LRRC4C: variants seen among roughly 807,000 people sequenced by gnomAD.
LRRC4C encodes leucine rich repeat containing 4C.
A neutral mutation model predicts 33.6 loss-of-function variants in LRRC4C; 5 were observed. The ratio of observed to expected loss-of-function variants is 0.15; its 90% CI spans 0.08 to 0.31. The LOEUF is 0.31. Ranked by LOEUF, LRRC4C falls within the 10% of genes least tolerant of loss-of-function variation. The probability of loss-of-function intolerance (pLI) is 1.00; values close to 1 mark genes in which losing one functional copy is unlikely to be tolerated. For synonymous variants in LRRC4C, 329 were observed against 302.0 expected (o/e 1.09, Z -0.93); for missense variants, 560 against 796.7 (o/e 0.70, Z 3.58).
chr11:40,336,457 T>C (rs920984305), intron 3 of LRRC4C, among the ~76,000 whole-genome samples: 3 of 152,170 alleles, frequency 2.0e-5, no homozygotes, highest in Non-Finnish European at 4.4e-5. Context: ...GAAGTCAGTC[T>C]TTATTCCTGA....
chr11:40,342,873 C>T (rs908165489), intron 3 of LRRC4C, among the ~76,000 whole-genome samples: 1 of 152,132 alleles, frequency 6.6e-6, no homozygotes, highest in African/African-American at 2.4e-5. Flanking sequence ...TACCTACCTA[C>T]CTATATATTT....
chr11:41,183,351 T>C (rs1354996242), intron 1 of LRRC4C, among the ~76,000 whole-genome samples: 1 of 152,154 alleles, frequency 6.6e-6, no homozygotes, highest in Admixed American at 6.5e-5. Context: ...GCAAGTACAT[T>C]GTATGTACTT....
intron 1 of LRRC4C, among the ~76,000 whole-genome samples, chr11:41,004,071 A>G (rs533321141): frequency 6.6e-6 from 1 of 152,268 alleles, no homozygotes; most frequent in Non-Finnish European, 1.5e-5. Flanking sequence ...TATGGTTACA[A>G]AGAGGCATGA....
At chr11:40,423,339 C>CTTTTTTTTTTT (rs35819704) in intron 3 of LRRC4C, among the ~76,000 whole-genome samples, 2 of 90,932 alleles carry the variant, frequency 2.2e-5, no homozygotes, top group Non-Finnish European at 4.1e-5. Flanking sequence ...TGTTCATGTT[C>CTTTTTTTTTTT]TTTTTTTTTT....
At chr11:40,787,063 T>C (rs1950439541) in intron 2 of LRRC4C, among the ~76,000 whole-genome samples, 1 of 152,064 alleles carries the variant, frequency 6.6e-6, no homozygotes, top group Admixed American at 6.6e-5. Context: ...GCCAAATAAG[T>C]TTTACCAGGA....
At chr11:40,387,737 C>T (rs1949166365) in intron 3 of LRRC4C, among the ~76,000 whole-genome samples, 1 of 152,128 alleles carries the variant, frequency 6.6e-6, no homozygotes, top group Admixed American at 6.5e-5. Context: ...CAGTAGTAGT[C>T]CAGGTTAATG....
At chr11:40,180,841 T>C (rs536234397) in intron 5 of LRRC4C, among the ~76,000 whole-genome samples, 2 of 152,306 alleles carry the variant, frequency 1.3e-5, no homozygotes, top group East Asian at 1.9e-4. Context: ...ATATGCTATA[T>C]TTTTTGTTTT....
intron 3 of LRRC4C, among the ~76,000 whole-genome samples, chr11:40,541,804 A>C (rs1407099272): frequency 1.3e-5 from 2 of 152,122 alleles, no homozygotes; most frequent in African/African-American, 4.8e-5. Context: ...CTGCTTAGTA[A>C]ATGTTGGTTA....
chr11:40,537,620 G>A (rs561158399), intron 3 of LRRC4C, among the ~76,000 whole-genome samples: 4 of 152,162 alleles, frequency 2.6e-5, no homozygotes, highest in Non-Finnish European at 5.9e-5. Context: ...AAGGAAGTTT[G>A]GCCCCTACCC....
intron 2 of LRRC4C, among the ~76,000 whole-genome samples, chr11:40,895,579 TTAAAAGG>T (rs1205201594): frequency 6.6e-6 from 1 of 152,162 alleles, no homozygotes; most frequent in Admixed American, 6.6e-5. Flanking sequence ...GTCTTCTGTT[TTAAAAGG>T]TATTTAGAAA....
At chr11:41,327,871 T>A (rs149513051) in intron 1 of LRRC4C, among the ~76,000 whole-genome samples, 186 of 152,284 alleles carry the variant, frequency 1.2e-3, no homozygotes, top group East Asian at 9.1e-3. Context: ...CCACCATGAT[T>A]GTGAGGGCTC....
intron 3 of LRRC4C, among the ~76,000 whole-genome samples, chr11:40,386,066 A>G (rs1949099688): frequency 7.7e-6 from 1 of 129,548 alleles, no homozygotes; most frequent in Non-Finnish European, 1.7e-5. Context: ...ATAAAATAAA[A>G]TGAAATATAA....
intron 3 of LRRC4C, among the ~76,000 whole-genome samples, chr11:40,347,431 TC>T: frequency 6.6e-6 from 1 of 152,160 alleles, no homozygotes; most frequent in Non-Finnish European, 1.5e-5. Context: ...TGTTTTGCTT[TC>T]CTATCATTCA....
At chr11:41,063,130 A>C (rs1937920090) in intron 1 of LRRC4C, among the ~76,000 whole-genome samples, 1 of 152,174 alleles carries the variant, frequency 6.6e-6, no homozygotes, top group African/African-American at 2.4e-5. Context: ...GAAGTGAATA[A>C]ATTTTTGGCA....
intron 1 of LRRC4C, among the ~76,000 whole-genome samples, chr11:41,371,483 G>A (rs1290917922): frequency 6.6e-6 from 1 of 152,138 alleles, no homozygotes; most frequent in East Asian, 1.9e-4. Flanking sequence ...GGTTTAATAT[G>A]TGGAAATCCT....
chr11:40,659,627 A>G (rs1041075637), intron 2 of LRRC4C, among the ~76,000 whole-genome samples: 1 of 152,150 alleles, frequency 6.6e-6, no homozygotes, highest in Non-Finnish European at 1.5e-5. Flanking sequence ...AACTTAGGGT[A>G]TCTTTGACTT....
intron 1 of LRRC4C, among the ~76,000 whole-genome samples, chr11:41,335,647 T>C (rs1399117549): frequency 1.3e-5 from 2 of 152,192 alleles, no homozygotes; most frequent in African/African-American, 4.8e-5. Context: ...TTTCTCACGT[T>C]ATGTCCAGCA....
At chr11:41,354,880 T>C (rs1952104839) in intron 1 of LRRC4C, among the ~76,000 whole-genome samples, 1 of 151,942 alleles carries the variant, frequency 6.6e-6, no homozygotes, top group Non-Finnish European at 1.5e-5. Context: ...ACATAAAATG[T>C]AAAAATATAA....
intron 3 of LRRC4C, among the ~76,000 whole-genome samples, chr11:40,392,374 A>C (rs1029466144): frequency 6.6e-6 from 1 of 152,192 alleles, no homozygotes; most frequent in Admixed American, 6.5e-5. Flanking sequence ...CATGTATCAC[A>C]TGAATGCAAG....
Sources: allele counts gnomAD v4.1 joint callset (sites outside exome capture counted in the v4.1 genomes callset), GRCh38; gene constraint gnomAD v4.1.1; transcripts MANE v1.5; gene names NCBI Gene and HGNC (gene_info 2026-07-23, HGNC 2026-07-21).